Variants in CCDC171 observed in about 807,000 individuals in gnomAD.
CCDC171 encodes coiled-coil domain-containing protein 171.
In CCDC171, 177 loss-of-function variants were observed where a neutral mutation model predicts 168.2. The ratio of observed to expected loss-of-function variants is 1.05; its 90% CI spans 0.93 to 1.19. The LOEUF (loss-of-function observed/expected upper bound fraction) is 1.19, where lower values mean the gene tolerates loss of function less well. CCDC171 is among the 50% of genes most tolerant of loss of function. The pLI, the probability that CCDC171 is intolerant of heterozygous loss-of-function variation, is 0.00. For synonymous variants in CCDC171, 687 were observed against 540.8 expected (o/e 1.27, Z -3.75); for missense variants, 1,991 against 1,539.0 (o/e 1.29, Z -4.91).
chr9:16,037,884 CAG>C, upstream of CCDC171, among the ~76,000 whole-genome samples: 1 of 151,942 alleles, frequency 6.6e-6, no homozygotes, highest in Non-Finnish European at 1.5e-5. Context: ...AAGAAATATT[CAG>C]AGAGAAAAAA....
intron 16 of CCDC171, among the ~76,000 whole-genome samples, chr9:15,738,449 T>A (rs4741537): frequency 6.6e-6 from 1 of 152,116 alleles, no homozygotes; most frequent in Non-Finnish European, 1.5e-5. Context: ...TTTTTCTTCA[T>A]GATCGGAATG....
At chr9:15,878,992 G>A (rs1359443103) in intron 24 of CCDC171, among the ~76,000 whole-genome samples, 2 of 151,980 alleles carry the variant, frequency 1.3e-5, no homozygotes, top group South Asian at 4.2e-4. Flanking sequence ...GAAGGGAGAG[G>A]ATCAGAAAAA....
At chr9:16,066,033 A>T (rs1259534719), downstream of CCDC171, among the ~76,000 whole-genome samples, 1 of 152,128 alleles carries the variant, frequency 6.6e-6, no homozygotes, top group African/African-American at 2.4e-5. Flanking sequence ...CCTTGACCCA[A>T]TCTAGGTCCT....
intron 2 of CCDC171, among the ~76,000 whole-genome samples, chr9:15,571,114 A>G (rs781289770): frequency 3.9e-5 from 6 of 152,162 alleles, no homozygotes; most frequent in Non-Finnish European, 8.8e-5. Context: ...TTCAGCTTCC[A>G]GTAATTGGTT....
chr9:16,004,508 A>T (rs182448537), intron 3 of CCDC171, among the ~76,000 whole-genome samples: 2 of 152,058 alleles, frequency 1.3e-5, no homozygotes, highest in East Asian at 1.9e-4. Flanking sequence ...TCCTTCCTCA[A>T]CCTTGCATTG....
At chr9:15,699,314 C>T (rs903481718) in intron 11 of CCDC171, among the ~76,000 whole-genome samples, 45 of 152,042 alleles carry the variant, frequency 3.0e-4, no homozygotes, top group African/African-American at 1.1e-3. Flanking sequence ...CAGACCTTCG[C>T]GGTGAGTGTT....
intron 16 of CCDC171, among the ~76,000 whole-genome samples, chr9:15,740,769 A>G (rs892381592): frequency 6.6e-6 from 1 of 152,092 alleles, no homozygotes; most frequent in Non-Finnish European, 1.5e-5. Flanking sequence ...GTGTTTCAAT[A>G]TGTGGTGGGG....
intron 6 of CCDC171, among the ~76,000 whole-genome samples, chr9:15,615,645 C>CT (rs2044024255): frequency 6.6e-6 from 1 of 151,502 alleles, no homozygotes; most frequent in Admixed American, 6.6e-5. Context: ...TTTCCAGGTT[C>CT]TTTTTTTTAA....
intron 18 of CCDC171, among the ~76,000 whole-genome samples, chr9:15,758,624 G>A (rs116032280): frequency 6.6e-6 from 1 of 152,134 alleles, no homozygotes; most frequent in Non-Finnish European, 1.5e-5. Flanking sequence ...GGGAGTCAGG[G>A]TGGAATGATA....
intron 9 of CCDC171, among the ~76,000 whole-genome samples, chr9:15,674,533 A>T (rs1019409818): frequency 6.6e-6 from 1 of 152,096 alleles, no homozygotes; most frequent in East Asian, 1.9e-4. Context: ...TTCCTTAACT[A>T]TGTCCCAGAG....
At chr9:15,999,649 A>G (rs1832482124) in intron 3 of CCDC171, among the ~76,000 whole-genome samples, 1 of 152,222 alleles carries the variant, frequency 6.6e-6, no homozygotes, top group Non-Finnish European at 1.5e-5. Flanking sequence ...ACAAGGCTAT[A>G]GAGACTCCCT....
At chr9:15,985,810 T>C (rs1197371157) in intron 3 of CCDC171, among the ~76,000 whole-genome samples, 2 of 152,092 alleles carry the variant, frequency 1.3e-5, no homozygotes, top group Non-Finnish European at 2.9e-5. Flanking sequence ...TGAATATGAG[T>C]CCCTTTGACA....
intron 21 of CCDC171, among the ~76,000 whole-genome samples, chr9:15,786,382 T>G (rs1335901557): frequency 3.3e-5 from 5 of 152,120 alleles, no homozygotes; most frequent in Admixed American, 2.6e-4. Context: ...GAAGAAAAAT[T>G]AAAATAATCT....
intron 24 of CCDC171, among the ~76,000 whole-genome samples, chr9:15,912,646 C>T (rs1470507771): frequency 6.6e-6 from 1 of 152,066 alleles, no homozygotes; most frequent in Non-Finnish European, 1.5e-5. Context: ...CCGGTTTTTG[C>T]CCATTCAGTA....
chr9:15,657,524 T>C (rs1217726075), intron 8 of CCDC171, among the ~76,000 whole-genome samples: 2 of 152,178 alleles, frequency 1.3e-5, no homozygotes, highest in African/African-American at 2.4e-5. Flanking sequence ...CCTGGCAGTC[T>C]GCAAAGAAAT....
intron 7 of CCDC171, among the ~76,000 whole-genome samples, chr9:15,654,335 C>T (rs1321496883): frequency 6.6e-6 from 1 of 152,080 alleles, no homozygotes; most frequent in African/African-American, 2.4e-5. Flanking sequence ...TTGCAAAACA[C>T]AGAGTGATTA....
intron 24 of CCDC171, among the ~76,000 whole-genome samples, chr9:15,881,210 T>A (rs1029743052): frequency 6.6e-6 from 1 of 152,196 alleles, no homozygotes; most frequent in Non-Finnish European, 1.5e-5. Context: ...CAAGTAGAAC[T>A]AAAATTTCTT....
chr9:16,090,838 G>A, the CCDC171 span, among the ~76,000 whole-genome samples: 2 of 152,202 alleles, frequency 1.3e-5, no homozygotes, highest in African/African-American at 4.8e-5. Flanking sequence ...CCCTTTCAGC[G>A]AATTAATACA....
chr9:15,579,153 C>T, intron 4 of CCDC171, 130 bp downstream of exon 4: 2 of 660,856 alleles, frequency 3.0e-6, no homozygotes, highest in South Asian at 5.1e-5. Context: ...TTTTGATGTA[C>T]AGACTTAGCT....
Sources: allele counts gnomAD v4.1 joint callset (sites outside exome capture counted in the v4.1 genomes callset), GRCh38; gene constraint gnomAD v4.1.1; transcripts MANE v1.5; gene names NCBI Gene and HGNC (gene_info 2026-07-23, HGNC 2026-07-21).